MEIOB: variants seen among roughly 807,000 people sequenced by gnomAD.
The protein encoded by MEIOB is meiosis specific with OB-fold, also known as meiosis-specific with OB domain-containing protein.
Under a neutral mutation model 53.1 loss-of-function variants are expected in MEIOB, and 50 were observed. The observed-to-expected ratio is 0.94, with a 90% CI of 0.75 to 1.19. MEIOB has a LOEUF of 1.19. MEIOB is among the 50% of genes most tolerant of loss of function. The pLI is 0.00. For missense variants in MEIOB, 551 were observed against 550.8 expected (o/e 1.00, Z 0.00); for synonymous variants, 192 against 182.5 (o/e 1.05, Z -0.42).
At chr16:1,842,974 T>G (rs2142080953) in intron 10 of MEIOB, among the ~76,000 whole-genome samples, 1 of 122,644 alleles carries the variant, frequency 8.2e-6, no homozygotes, top group Non-Finnish European at 1.7e-5. Flanking sequence ...ACTGACTCAA[T>G]TTTTTAAATG....
chr16:1,855,022 G>C (rs1427497717), intron 6 of MEIOB, among the ~76,000 whole-genome samples: 1 of 152,194 alleles, frequency 6.6e-6, no homozygotes, highest in Non-Finnish European at 1.5e-5. Context: ...AGGACAGCCA[G>C]AGGCTGAGAG....
rs147209774 is a variant in MEIOB at position 1,867,199 on chromosome 16, T to C, written c.69+908A>G. 1.3e-3 allele frequency among the ~76,000 whole-genome samples: 198 copies of C among 152,104 alleles called. 1 individual carries two copies. The highest frequency in any genetic ancestry group is 4.6e-3 in the African/African-American group (190 of 41,514). The stretch of plus-strand genomic sequence containing the variant: ...TGCTCAGGGGCAGGGAAGGTAAGGG[T>C]GTGTGGTAGCTGCTTTACAATAAGT... On this transcript the variant is annotated intron_variant, in intron 2 of 13. Coordinates refer to ENST00000325962, the MANE Select transcript of MEIOB (RefSeq NM_001163560.3).
At chr16:1,852,056 A>G (rs1421769689) in intron 9 of MEIOB, among the ~76,000 whole-genome samples, 2 of 152,160 alleles carry the variant, frequency 1.3e-5, no homozygotes, top group African/African-American at 4.8e-5. Flanking sequence ...TTTAATGTGC[A>G]GTTATGAGCT....
chr16:1,837,676 T>G, intron 13 of MEIOB, 108 bp downstream of exon 13: 1 of 586,904 alleles, frequency 1.7e-6, no homozygotes, highest in South Asian at 3.1e-5. Flanking sequence ...ATCTGGGAAC[T>G]GGGCATTAGA....
At chr16:1,849,316 G>C (rs1010261608) in intron 9 of MEIOB, among the ~76,000 whole-genome samples, 4 of 152,062 alleles carry the variant, frequency 2.6e-5, no homozygotes, top group African/African-American at 7.2e-5. Flanking sequence ...ACTTTGGGAG[G>C]CCAAGGCAGG....
At chr16:1,838,701 T>A (rs75468534) in intron 12 of MEIOB, among the ~76,000 whole-genome samples, 1 of 152,100 alleles carries the variant, frequency 6.6e-6, no homozygotes, top group Non-Finnish European at 1.5e-5. Flanking sequence ...GTTTTTTTTT[T>A]AATTATTTGG....
chr16:1,860,793 G>C (rs1233719343), intron 4 of MEIOB, among the ~76,000 whole-genome samples: 3 of 152,108 alleles, frequency 2.0e-5, no homozygotes, highest in African/African-American at 4.8e-5. Context: ...TATTCAACTA[G>C]AGAGATACCA....
At chr16:1,843,250 G>C (rs995469264) in intron 10 of MEIOB, among the ~76,000 whole-genome samples, 1 of 151,122 alleles carries the variant, frequency 6.6e-6, no homozygotes, top group African/African-American at 2.4e-5. Context: ...CCGAGATCGC[G>C]CCACTGCACT....
intron 6 of MEIOB, among the ~76,000 whole-genome samples, chr16:1,856,615 G>A (rs1337318673): frequency 6.6e-6 from 1 of 151,918 alleles, no homozygotes; most frequent in Non-Finnish European, 1.5e-5. Context: ...CACCGCACCA[G>A]GCCACCCAGC....
At chr16:1,850,353 C>T (rs551786492) in intron 9 of MEIOB, among the ~76,000 whole-genome samples, 24 of 151,932 alleles carry the variant, frequency 1.6e-4, no homozygotes, top group African/African-American at 4.6e-4. Context: ...CCGAGGCGGG[C>T]GGATCACTGG....
intron 9 of MEIOB, among the ~76,000 whole-genome samples, chr16:1,846,007 T>G (rs1049655169): frequency 6.6e-6 from 1 of 152,182 alleles, no homozygotes; most frequent in Non-Finnish European, 1.5e-5. Flanking sequence ...CAGAACTAGG[T>G]TGTCAAATCC....
chr16:1,864,074 A>G (rs1899523993), intron 3 of MEIOB, among the ~76,000 whole-genome samples: 1 of 152,206 alleles, frequency 6.6e-6, no homozygotes, highest in South Asian at 2.1e-4. Flanking sequence ...AGACCACTTG[A>G]GCCCAGGGTT....
Position 1,839,570 on chromosome 16 carries a change from G to A in MEIOB, c.1035-132C>T, listed in dbSNP as rs147766831. 1.1e-4 allele frequency: 86 copies of A among 750,330 alleles called. 1 individual carries two copies. In the East Asian group the frequency reaches 2.1e-3, roughly 19 times the overall value. 46.5% of individuals were successfully genotyped at this position (750,330 alleles called of 1,614,324 possible). The stretch of plus-strand genomic sequence containing the variant: ...ACTTACTGAGTGTTCAGTGCTATGC[G>A]GTCTACAAGACAGTCGTAAAAAACA... On this transcript the variant is annotated intron_variant, in intron 11 of 13. Coordinates refer to ENST00000325962, the MANE Select transcript of MEIOB (RefSeq NM_001163560.3).
Position 1,860,440 on chromosome 16 carries a change from T to C in MEIOB, c.295A>G (p.Ile99Val), listed in dbSNP as rs759457391. 4.5e-6 allele frequency: 7 copies of C among 1,547,348 alleles called. No homozygotes were observed. In the African/African-American group the frequency reaches 9.6e-5, roughly 21 times the overall value. Residue 99 changes from isoleucine (I) to valine (V), a missense_variant, in exon 5 of 14, where the codon ATA becomes GTA. Physicochemically the swap from Ile to Val is conservative, Grantham distance 29. Transcript: ENST00000325962. ...IENPLIQRKE[I>V]EREEKFSPAT... is the part of the protein sequence containing the mutation. ...GGGCTGAATTTTTCTTCTCTTTCTA[T>C]TTCCTTTCTTTGGATCAGAGGATTT...
intron 10 of MEIOB, among the ~76,000 whole-genome samples, chr16:1,843,808 G>C (rs11248898): frequency 5.9e-4 from 90 of 151,558 alleles, no homozygotes; most frequent in African/African-American, 2.0e-3. Context: ...CAAAACTAAA[G>C]ACAATAACCT....
At chr16:1,855,289 G>A (rs891883362) in intron 6 of MEIOB, among the ~76,000 whole-genome samples, 44 of 152,022 alleles carry the variant, frequency 2.9e-4, no homozygotes, top group African/African-American at 1.1e-3. Flanking sequence ...AAAATTAGCT[G>A]GGCATGGTGG....
intron 10 of MEIOB, among the ~76,000 whole-genome samples, chr16:1,842,413 G>A (rs931616074): frequency 4.0e-5 from 6 of 148,494 alleles, no homozygotes; most frequent in African/African-American, 7.5e-5. Flanking sequence ...TTGGGAGATC[G>A]AGAGCAGCCT....
At chr16:1,850,865 G>C (rs1224289037) in intron 9 of MEIOB, among the ~76,000 whole-genome samples, 2 of 151,932 alleles carry the variant, frequency 1.3e-5, no homozygotes, top group African/African-American at 4.8e-5. Context: ...AGCTTGCAGT[G>C]AGCCGAGATC....
At chr16:1,848,422 T>C (rs1294578735) in intron 9 of MEIOB, among the ~76,000 whole-genome samples, 1 of 152,118 alleles carries the variant, frequency 6.6e-6, no homozygotes, top group African/African-American at 2.4e-5. Context: ...AGAACATGCC[T>C]TCAGGGAGTG....
Sources: gnomAD v4.1 joint callset for allele counts (sites outside exome capture counted in the v4.1 genomes callset) on GRCh38, gnomAD v4.1.1 for gene constraint, MANE v1.5 for transcripts, NCBI Gene and HGNC (gene_info 2026-07-23, HGNC 2026-07-21) for gene names.